MCHR2: variants seen among roughly 807,000 people sequenced by gnomAD.
The protein encoded by MCHR2 is melanin concentrating hormone receptor 2.
Under a neutral mutation model 24.8 loss-of-function variants are expected in MCHR2, and 15 were observed. That is an observed-to-expected ratio of 0.60 (90% CI 0.40 to 0.93). The LOEUF is 0.93. MCHR2 is among the 40% of genes least tolerant of loss of function. MCHR2 has a pLI of 0.00. For synonymous variants in MCHR2, 151 were observed against 147.6 expected (o/e 1.02, Z -0.17); for missense variants, 386 against 408.7 (o/e 0.94, Z 0.48).
chr6:99,932,862 AG>A (rs1352196494), intron 5 of MCHR2, among the ~76,000 whole-genome samples: 1 of 152,186 alleles, frequency 6.6e-6, no homozygotes, highest in Admixed American at 6.5e-5. Flanking sequence ...AGTGAAGTCC[AG>A]TAAAGAATGG....
At chr6:99,978,242 A>G (rs749301739) in intron 1 of MCHR2, among the ~76,000 whole-genome samples, 2 of 152,176 alleles carry the variant, frequency 1.3e-5, no homozygotes, top group Non-Finnish European at 2.9e-5. Context: ...TTTCATCTCT[A>G]TAGTACAAAT....
chr6:99,947,996 G>A, intron 2 of MCHR2, 25 bp from the exon 3 acceptor site: 1 of 1,590,202 alleles, frequency 6.3e-7, no homozygotes, highest in Non-Finnish European at 8.6e-7. Context: ...GGAAACTGAG[G>A]ATTGACATTG....
chr6:99,947,651 G>A (rs186713065), intron 3 of MCHR2, 111 bp downstream of exon 3: 11,608 of 1,008,364 alleles, frequency 0.012, 102 homozygotes, highest in Non-Finnish European at 0.015. Flanking sequence ...TGAAACAAAG[G>A]AAGAAAACCT....
intron 1 of MCHR2, among the ~76,000 whole-genome samples, chr6:99,963,942 T>C (rs1433729018): frequency 6.6e-6 from 1 of 152,022 alleles, no homozygotes; most frequent in Non-Finnish European, 1.5e-5. Flanking sequence ...TAAAAAAAGA[T>C]AGAGAAGCCT....
chr6:99,946,460 A>G (rs1176389857), intron 3 of MCHR2, among the ~76,000 whole-genome samples: 1 of 152,142 alleles, frequency 6.6e-6, no homozygotes, highest in African/African-American at 2.4e-5. Flanking sequence ...TCCCCACCAA[A>G]AAGTCTCACT....
intron 4 of MCHR2, among the ~76,000 whole-genome samples, chr6:99,938,964 G>A (rs1774721461): frequency 6.6e-6 from 1 of 151,898 alleles, no homozygotes; most frequent in Admixed American, 6.6e-5. Context: ...TTCTTTTACA[G>A]TCATTGATTT....
In MCHR2 at chr6:99,934,377, T is replaced by A. The variant is rs573388146; in HGVS notation, c.707+21A>T. 2.6e-6 allele frequency: 4 copies of A among 1,547,294 alleles called. No homozygotes were observed. In the South Asian group the frequency reaches 3.8e-5, roughly 15 times the overall value. The stretch of plus-strand genomic sequence containing the variant: ...CTATCTAAATTGTTCTTTTAACAAA[T>A]AAAACAAGGCAAACACTTACCATCT... On this transcript the variant is annotated intron_variant, in intron 5 of 5. Coordinates refer to ENST00000281806, the MANE Select transcript of MCHR2 (RefSeq NM_001040179.2).
intron 1 of MCHR2, among the ~76,000 whole-genome samples, chr6:99,985,955 G>A (rs1377451150): frequency 6.6e-6 from 1 of 151,844 alleles, no homozygotes; most frequent in African/African-American, 2.4e-5. Context: ...GAATCTACAA[G>A]GAACTGAAAC....
chr6:99,937,751 A>ATT (rs71024679), intron 4 of MCHR2, among the ~76,000 whole-genome samples: 70,285 of 146,678 alleles, frequency 0.48, 16,805 homozygotes, highest in East Asian at 0.64. Context: ...CTTCCTCTTC[A>ATT]TTTTTTTTTT....
intron 5 of MCHR2, among the ~76,000 whole-genome samples, chr6:99,931,559 C>T (rs775949671): frequency 2.6e-4 from 39 of 152,184 alleles, no homozygotes; most frequent in Non-Finnish European, 4.4e-4. Context: ...AACCCTCCCC[C>T]ACCCTCGCTG....
chr6:99,924,429 GTTTC>G (rs1774307240), intron 5 of MCHR2, among the ~76,000 whole-genome samples: 1 of 151,508 alleles, frequency 6.6e-6, no homozygotes, highest in Non-Finnish European at 1.5e-5. Flanking sequence ...GATCTTTATT[GTTTC>G]TTTCTTCTAA....
intron 2 of MCHR2, 71 bp downstream of exon 2, chr6:99,955,895 C>A: frequency 7.9e-7 from 1 of 1,263,646 alleles, no homozygotes; most frequent in Non-Finnish European, 1.1e-6. Flanking sequence ...GGAAAGGACT[C>A]ATTTAGGGAG....
intron 5 of MCHR2, among the ~76,000 whole-genome samples, chr6:99,925,669 A>G (rs992502967): frequency 2.0e-5 from 3 of 152,098 alleles, no homozygotes; most frequent in African/African-American, 7.2e-5. Flanking sequence ...ACAAACAAGC[A>G]AAAAGAAAAC....
intron 4 of MCHR2, among the ~76,000 whole-genome samples, chr6:99,940,287 T>G (rs897628478): frequency 1.3e-5 from 2 of 152,104 alleles, no homozygotes; most frequent in Non-Finnish European, 2.9e-5. Flanking sequence ...TTTTCATTCC[T>G]TTTTCTGACT....
chr6:99,932,150 A>C (rs537145253), intron 5 of MCHR2, among the ~76,000 whole-genome samples: 4 of 152,252 alleles, frequency 2.6e-5, no homozygotes, highest in South Asian at 2.1e-4. Context: ...CTAGGGTATA[A>C]GTTTTTTTCC....
rs146983226 is a variant in MCHR2 at position 99,960,373 on chromosome 6, G to A, written c.-27-4199C>T. ...AAGAACATTCCATGCTCATTGATAG[G>A]AAGAATCAATATGGTGAAAATGGCC... On this transcript the variant is annotated intron_variant, in intron 1 of 5. Transcript: ENST00000281806. Among the ~76,000 whole-genome samples, 1,111 of 152,204 alleles carry A rather than the reference G, an allele frequency of 7.3e-3. 17 individuals are homozygous for A. Among genetic ancestry groups the A allele is most frequent in the African/African-American group, 0.026 (1,066 of 41,532 alleles).
intron 5 of MCHR2, among the ~76,000 whole-genome samples, chr6:99,931,249 G>T (rs1025770084): frequency 3.9e-5 from 6 of 152,166 alleles, no homozygotes; most frequent in Admixed American, 1.3e-4. Flanking sequence ...TGCCCCTACT[G>T]GGGGGTGCCT....
Position 99,923,380 on chromosome 6 carries a change from A to C in MCHR2, c.708-2125T>G, listed in dbSNP as rs116373691. Among the ~76,000 whole-genome samples, 1,110 of 152,034 alleles carry C rather than the reference A, an allele frequency of 7.3e-3. 14 individuals carry two copies. Among genetic ancestry groups the C allele is most frequent in the African/African-American group, 0.025 (1,052 of 41,502 alleles). ...TTCCTTTCCAATTCGGATGTCCTTTATTTCTTTCTTTTGTCTGATTGCTCT... is the reference window on the plus strand; with the variant it reads ...TTCCTTTCCAATTCGGATGTCCTTTCTTTCTTTCTTTTGTCTGATTGCTCT... On this transcript the variant is annotated intron_variant, in intron 5 of 5. Transcript: ENST00000281806.
In MCHR2 at chr6:99,943,488, C is replaced by A. The variant is rs544764248; in HGVS notation, c.393-345G>T. Among the ~76,000 whole-genome samples, 295 of 151,648 alleles carry A rather than the reference C, an allele frequency of 1.9e-3. 2 individuals are homozygous for A. The highest frequency in any genetic ancestry group is 6.3e-3 in the African/African-American group (261 of 41,372). On this transcript the variant is annotated intron_variant, in intron 3 of 5. Coordinates refer to ENST00000281806, the MANE Select transcript of MCHR2 (RefSeq NM_001040179.2). The stretch of plus-strand genomic sequence containing the variant: ...CTCCTAATGCTATCCCTCTCCCCTC[C>A]CCCAACCCCACAACAGTCCCCAGAG...
Sources: gnomAD v4.1 joint callset for allele counts (sites outside exome capture counted in the v4.1 genomes callset) on GRCh38, gnomAD v4.1.1 for gene constraint, MANE v1.5 for transcripts, NCBI Gene and HGNC (gene_info 2026-07-23, HGNC 2026-07-21) for gene names.